Variants in PTPRD observed in about 807,000 individuals in gnomAD.
The protein encoded by PTPRD is receptor-type tyrosine-protein phosphatase delta.
Under a neutral mutation model 214.5 loss-of-function variants are expected in PTPRD, and 34 were observed. The ratio of observed to expected loss-of-function variants is 0.16; its 90% CI spans 0.12 to 0.21. The LOEUF (loss-of-function observed/expected upper bound fraction) is 0.21, where lower values mean the gene tolerates loss of function less well. Ranked by LOEUF, PTPRD falls within the 10% of genes least tolerant of loss-of-function variation. The pLI, the probability that PTPRD is intolerant of heterozygous loss-of-function variation, is 1.00. For synonymous variants in PTPRD, 1,128 were observed against 845.7 expected (o/e 1.33, Z -5.79); for missense variants, 2,545 against 2,398.7 (o/e 1.06, Z -1.27).
At chr9:10,372,153 A>G (rs1310875129) in intron 2 of PTPRD, among the ~76,000 whole-genome samples, 1 of 152,154 alleles carries the variant, frequency 6.6e-6, no homozygotes, top group Non-Finnish European at 1.5e-5. Flanking sequence ...AGACTTTAGT[A>G]CAATACAGTT....
chr9:10,232,844 G>C (rs1160519094), intron 3 of PTPRD, among the ~76,000 whole-genome samples: 3 of 151,932 alleles, frequency 2.0e-5, no homozygotes, highest in African/African-American at 7.2e-5. Context: ...TTTTCCATTT[G>C]ATCTTACAGC....
rs535553245 is a variant in PTPRD, at chr9:9,665,482, T to C, written c.-287+69051A>G. 1.1e-4 allele frequency among the ~76,000 whole-genome samples: 16 copies of C among 151,906 alleles called. No individual in the cohort carries two copies. The South Asian group carries it at 3.1e-3, about 30-fold the overall frequency. On this transcript the variant is annotated intron_variant, in intron 7 of 45. Transcript: ENST00000381196. The stretch of plus-strand genomic sequence containing the variant: ...CTAAAATTTATTAGATACTTAACTA[T>C]GTTCTGGCTTTCTGACCTTCTGACA...
At chr9:9,991,097 G>T (rs1438338799) in intron 4 of PTPRD, among the ~76,000 whole-genome samples, 1 of 151,652 alleles carries the variant, frequency 6.6e-6, no homozygotes, top group Non-Finnish European at 1.5e-5. Context: ...ACCACACTCG[G>T]CTAATTTTGT....
intron 14 of PTPRD, among the ~76,000 whole-genome samples, chr9:8,543,379 G>A (rs973960871): frequency 2.0e-5 from 3 of 152,150 alleles, no homozygotes; most frequent in Admixed American, 6.5e-5. Context: ...CAACAGCCAC[G>A]AGTGGATGGT....
intron 4 of PTPRD, among the ~76,000 whole-genome samples, chr9:9,972,248 T>C (rs947360468): frequency 6.6e-6 from 1 of 152,162 alleles, no homozygotes; most frequent in African/African-American, 2.4e-5. Flanking sequence ...ATAGCAAACA[T>C]ACAGTGTTTA....
intron 10 of PTPRD, among the ~76,000 whole-genome samples, chr9:9,135,009 T>C (rs2099848705): frequency 1.3e-5 from 2 of 152,230 alleles, no homozygotes; most frequent in Admixed American, 1.3e-4. Flanking sequence ...GACACAGTCA[T>C]GGACTCATAT....
chr9:8,324,553 A>G (rs1258085635), intron 44 of PTPRD, among the ~76,000 whole-genome samples: 4 of 152,310 alleles, frequency 2.6e-5, no homozygotes, highest in Middle Eastern at 3.4e-3. Context: ...TAGTGCCACA[A>G]TAAACATATG....
chr9:10,415,037 C>T (rs774559612), intron 2 of PTPRD, among the ~76,000 whole-genome samples: 18 of 151,298 alleles, frequency 1.2e-4, no homozygotes, highest in South Asian at 4.2e-4. Flanking sequence ...CAAATTTCTG[C>T]GACACGAGTT....
At chr9:9,052,599 G>A (rs577056880) in intron 10 of PTPRD, among the ~76,000 whole-genome samples, 1 of 152,182 alleles carries the variant, frequency 6.6e-6, no homozygotes, top group East Asian at 1.9e-4. Flanking sequence ...ATACAGTTAA[G>A]AGAAAATTAT....
At chr9:8,768,237 A>G (rs919170950) in intron 11 of PTPRD, among the ~76,000 whole-genome samples, 2 of 152,186 alleles carry the variant, frequency 1.3e-5, no homozygotes, top group South Asian at 2.1e-4. Flanking sequence ...CTTGATTAAA[A>G]AAATTAAAAA....
At chr9:9,308,519 C>T (rs956794074) in intron 9 of PTPRD, among the ~76,000 whole-genome samples, 3 of 152,104 alleles carry the variant, frequency 2.0e-5, no homozygotes. Context: ...GAACTTTGTA[C>T]TGAGATTCAC....
At chr9:8,989,520 C>A (rs1190585454) in intron 11 of PTPRD, among the ~76,000 whole-genome samples, 1 of 152,034 alleles carries the variant, frequency 6.6e-6, no homozygotes, top group African/African-American at 2.4e-5. Flanking sequence ...GTCAATGTTC[C>A]TGGAAATGAC....
intron 35 of PTPRD, among the ~76,000 whole-genome samples, chr9:8,413,573 C>T (rs547955175): frequency 1.3e-5 from 2 of 152,034 alleles, no homozygotes; most frequent in African/African-American, 2.4e-5. Flanking sequence ...AGTATATATA[C>T]CAACAACCCC....
At chr9:10,286,320 C>T (rs2095351968) in intron 3 of PTPRD, among the ~76,000 whole-genome samples, 1 of 152,016 alleles carries the variant, frequency 6.6e-6, no homozygotes, top group Non-Finnish European at 1.5e-5. Context: ...TATGTGCCTG[C>T]AGCGACAGTT....
chr9:8,588,913 C>T (rs2093884194), intron 14 of PTPRD, among the ~76,000 whole-genome samples: 1 of 151,836 alleles, frequency 6.6e-6, no homozygotes, highest in Admixed American at 6.6e-5. Flanking sequence ...TTCAGACATC[C>T]TGAATCAGGC....
intron 37 of PTPRD, among the ~76,000 whole-genome samples, chr9:8,384,530 TTTTG>T (rs905702779): frequency 6.6e-6 from 1 of 152,182 alleles, no homozygotes; most frequent in African/African-American, 2.4e-5. Flanking sequence ...ATCATTGTTT[TTTTG>T]TTTTTGTTTT....
intron 8 of PTPRD, among the ~76,000 whole-genome samples, chr9:9,464,750 G>A (rs1035569560): frequency 3.3e-5 from 5 of 152,096 alleles, no homozygotes; most frequent in Admixed American, 6.6e-5. Flanking sequence ...TTAGCAATGA[G>A]TACCTTTTTA....
chr9:9,408,812 C>T (rs4084780), intron 8 of PTPRD, among the ~76,000 whole-genome samples: 1 of 151,752 alleles, frequency 6.6e-6, no homozygotes, highest in Admixed American at 6.6e-5. Context: ...TACTGTCTGG[C>T]ACAAAGTGCG....
chr9:10,020,034 G>C (rs1311478104), intron 4 of PTPRD, among the ~76,000 whole-genome samples: 1 of 152,014 alleles, frequency 6.6e-6, no homozygotes, highest in Non-Finnish European at 1.5e-5. Context: ...TTTTACTCTT[G>C]TTTTATATAA....
Sources: allele counts gnomAD v4.1 joint callset (sites outside exome capture counted in the v4.1 genomes callset), GRCh38; gene constraint gnomAD v4.1.1; transcripts MANE v1.5; gene names NCBI Gene and HGNC (gene_info 2026-07-23, HGNC 2026-07-21).